TRPC4: variants seen among roughly 807,000 people sequenced by gnomAD.
TRPC4 encodes the protein transient receptor potential cation channel subfamily C member 4, also known as short transient receptor potential channel 4.
TRPC4 carries 49 observed loss-of-function variants against 99.4 expected under a neutral mutation model. The ratio of observed to expected loss-of-function variants is 0.49; its 90% CI spans 0.39 to 0.63. The LOEUF is 0.63. Among genes scored for constraint, TRPC4 ranks in the 20% least tolerant of loss-of-function variants. The probability of loss-of-function intolerance (pLI) is 0.00; values close to 1 mark genes in which losing one functional copy is unlikely to be tolerated. For synonymous variants in TRPC4, 454 were observed against 425.9 expected, an observed-to-expected ratio of 1.07 and a Z score of -0.81; for missense variants, 898 against 1,152.9, an observed-to-expected ratio of 0.78 and a Z score of 3.20.
intron 6 of TRPC4, among the ~76,000 whole-genome samples, chr13:37,661,014 T>C (rs2138675281): frequency 1.3e-5 from 2 of 152,248 alleles, no homozygotes; most frequent in Middle Eastern, 3.4e-3. Context: ...TTCAATATCT[T>C]GAAGCAAAAA....
chr13:37,683,956 T>C (rs1162553929), intron 4 of TRPC4, among the ~76,000 whole-genome samples: 1 of 152,162 alleles, frequency 6.6e-6, no homozygotes, highest in Non-Finnish European at 1.5e-5. Context: ...AGTGATATCA[T>C]TCGGGAACAA....
chr13:37,838,291 T>C (rs1958625336), intron 1 of TRPC4, among the ~76,000 whole-genome samples: 1 of 152,196 alleles, frequency 6.6e-6, no homozygotes, highest in Admixed American at 6.5e-5. Context: ...CTGTGTCACC[T>C]GGGAACTTAT....
intron 1 of TRPC4, among the ~76,000 whole-genome samples, chr13:37,857,291 T>A (rs1369325153): frequency 6.6e-6 from 1 of 151,608 alleles, no homozygotes; most frequent in South Asian, 2.1e-4. Flanking sequence ...AATGGACAGA[T>A]ATTTCATTTT....
chr13:37,680,727 GGATTACCCTGTGACATA>G (rs1329459923), intron 4 of TRPC4, among the ~76,000 whole-genome samples: 1 of 152,120 alleles, frequency 6.6e-6, no homozygotes. Context: ...AAACTGGAAT[GGATTACCCTGTGACATA>G]GAGATTCCAA....
At chr13:37,643,532 A>G (rs1251467377) in intron 8 of TRPC4, among the ~76,000 whole-genome samples, 2 of 152,222 alleles carry the variant, frequency 1.3e-5, no homozygotes, top group East Asian at 3.9e-4. Flanking sequence ...CAGGATTAGG[A>G]CAAGGGGAGG....
At chr13:37,821,188 AG>A (rs1957996256) in intron 1 of TRPC4, among the ~76,000 whole-genome samples, 1 of 120,498 alleles carries the variant, frequency 8.3e-6, no homozygotes, top group Non-Finnish European at 1.7e-5. Context: ...CATTCACAAT[AG>A]CCACACACAC....
At chr13:37,718,912 G>A (rs1380277309) in intron 3 of TRPC4, among the ~76,000 whole-genome samples, 1 of 151,858 alleles carries the variant, frequency 6.6e-6, no homozygotes, top group African/African-American at 2.4e-5. Flanking sequence ...ATAAATTTAC[G>A]GAATCAAGAA....
At chr13:37,859,348 A>AT (rs1959206787) in intron 1 of TRPC4, among the ~76,000 whole-genome samples, 1 of 151,448 alleles carries the variant, frequency 6.6e-6, no homozygotes, top group Non-Finnish European at 1.5e-5. Flanking sequence ...AGTGACCAAA[A>AT]TTTTTCTGAA....
Position 37,637,544 on chromosome 13 carries a change from C to G in TRPC4, c.2293G>C (p.Ala765Pro), listed in dbSNP as rs1327623972. 5.0e-6 allele frequency: 8 copies of G among 1,613,542 alleles called. No individual in the cohort carries two copies. Among genetic ancestry groups the G allele is most frequent in the Non-Finnish European group, 6.8e-6 (8 of 1,179,702 alleles). ...TTTGAAGACTCCTTCGAGGCATTCGCAGATTGTATTGTGGAAAGTTTGCTT... is the reference window on the plus strand; with the variant it reads ...TTTGAAGACTCCTTCGAGGCATTCGGAGATTGTATTGTGGAAAGTTTGCTT... Reference protein sequence around the residue: ...RGSKLSTIQSANASKESSNSA... With the variant: ...RGSKLSTIQSPNASKESSNSA... Residue 765 changes from alanine to proline, a missense_variant, in exon 11 of 11, where the codon GCG becomes CCG. Coordinates refer to ENST00000379705, the MANE Select transcript of TRPC4 (RefSeq NM_016179.4).
At chr13:37,775,551 C>A (rs902370738) in intron 2 of TRPC4, among the ~76,000 whole-genome samples, 1 of 151,420 alleles carries the variant, frequency 6.6e-6, no homozygotes, top group Non-Finnish European at 1.5e-5. Flanking sequence ...AGTCAAGGCT[C>A]AAAGGACTAA....
chr13:37,669,900 T>C (rs1952777044), intron 5 of TRPC4, among the ~76,000 whole-genome samples: 1 of 152,104 alleles, frequency 6.6e-6, no homozygotes, highest in Admixed American at 6.6e-5. Context: ...TGAACTGAAT[T>C]GCATCTCCCC....
At chr13:37,721,958 T>A (rs1954884347) in intron 3 of TRPC4, among the ~76,000 whole-genome samples, 1 of 152,008 alleles carries the variant, frequency 6.6e-6, no homozygotes, top group Non-Finnish European at 1.5e-5. Context: ...TCATCCCTCC[T>A]CAGGCACAAA....
intron 8 of TRPC4, among the ~76,000 whole-genome samples, chr13:37,642,317 G>A (rs957782048): frequency 6.6e-6 from 1 of 152,190 alleles, no homozygotes; most frequent in Non-Finnish European, 1.5e-5. Flanking sequence ...GAAACTCTGA[G>A]GAAAATTCAG....
chr13:37,844,949 C>T (rs1232508165), intron 1 of TRPC4, among the ~76,000 whole-genome samples: 2 of 152,180 alleles, frequency 1.3e-5, no homozygotes, highest in African/African-American at 4.8e-5. Flanking sequence ...AGCAGTGCCA[C>T]CCAGCCATGG....
At chr13:37,763,443 G>A (rs1956277398) in intron 2 of TRPC4, among the ~76,000 whole-genome samples, 1 of 151,516 alleles carries the variant, frequency 6.6e-6, no homozygotes, top group African/African-American at 2.4e-5. Flanking sequence ...TGGGGAGCTT[G>A]TTGAAGAAAA....
intron 8 of TRPC4, 142 bp downstream of exon 8, chr13:37,651,123 T>G (rs1009944651): frequency 7.8e-6 from 7 of 898,174 alleles, no homozygotes; most frequent in African/African-American, 6.7e-5. Flanking sequence ...GCCTTAGTCA[T>G]GGGAGATGTG....
Position 37,721,517 on chromosome 13 carries a change from A to G in TRPC4, c.897+24420T>C, listed in dbSNP as rs573256616. On this transcript the variant is annotated intron_variant, in intron 3 of 10. Transcript: ENST00000379705. ...TCTACCCATTGCTCTTGGCCCTACT[A>G]TGTATCCATGAACATTATAAAGCAG... Among the ~76,000 whole-genome samples the G allele has an allele frequency of 1.1e-3, 172 of 152,260 alleles. 1 individual carries two copies. Among genetic ancestry groups the G allele is most frequent in the Non-Finnish European group, 1.5e-3 (105 of 68,012 alleles).
rs1566138437 is a variant in TRPC4 at position 37,745,475 on chromosome 13, C to CGTGTATATATATAT, written c.897+461_897+462insATATATATATACAC. Among the ~76,000 whole-genome samples the CGTGTATATATATAT allele has an allele frequency of 1.4e-3, 11 of 7,842 alleles. No individual in the cohort carries two copies. In the South Asian group the frequency reaches 0.04, roughly 29 times the overall value. The allele number at this position is 7,842 out of a possible 152,430, so 5.1% of individuals were successfully genotyped here. A position where few individuals can be genotyped will look rare whatever the true frequency, so the allele number is the denominator to read the frequency against. On this transcript the variant is annotated intron_variant, in intron 3 of 10. Transcript: ENST00000379705. ...ATATATATATATATATATATATATA[C>CGTGTATATATATAT]ACACACACACACACTTATATATACG...
intron 1 of TRPC4, among the ~76,000 whole-genome samples, chr13:37,819,910 C>A (rs896375082): frequency 6.7e-6 from 1 of 150,076 alleles, no homozygotes; most frequent in African/African-American, 2.4e-5. Context: ...GGCCAGCCAA[C>A]CCCAAATCTA....
Sources: gnomAD v4.1 joint callset for allele counts (sites outside exome capture counted in the v4.1 genomes callset) on GRCh38, gnomAD v4.1.1 for gene constraint, MANE v1.5 for transcripts, NCBI Gene and HGNC (gene_info 2026-07-23, HGNC 2026-07-21) for gene names.